SCD5: variants seen among roughly 807,000 people sequenced by gnomAD.
The protein encoded by SCD5 is acyl-CoA-desaturase 4.
In SCD5, 20 loss-of-function variants were observed where a neutral mutation model predicts 30.4. That is an observed-to-expected ratio of 0.66 (90% CI 0.46 to 0.96). The LOEUF is 0.96. Among genes scored for constraint, SCD5 ranks in the 40% least tolerant of loss-of-function variants. The pLI, the probability that SCD5 is intolerant of heterozygous loss-of-function variation, is 0.00. For missense variants in SCD5, 381 were observed against 443.3 expected (o/e 0.86, Z 1.26); for synonymous variants, 173 against 176.4 (o/e 0.98, Z 0.16).
At chr4:82,632,090 G>T (rs1011340171) in intron 4 of SCD5, among the ~76,000 whole-genome samples, 2 of 151,754 alleles carry the variant, frequency 1.3e-5, no homozygotes, top group African/African-American at 4.8e-5. Context: ...CAATGTGCAG[G>T]TTTGTTACAT....
intron 3 of SCD5, among the ~76,000 whole-genome samples, chr4:82,668,437 GA>G: frequency 6.6e-6 from 1 of 152,336 alleles, no homozygotes; most frequent in Non-Finnish European, 1.5e-5. Context: ...GCTCTAGAAA[GA>G]TAGGGCAAGT....
At position 82,636,766 on chromosome 4, in the gene SCD5, C is replaced by G; in HGVS notation, c.627G>C (p.Trp209Cys). Residue 209 changes from tryptophan to cysteine, a missense_variant, in exon 4 of 5, where the codon TGG becomes TGC. Transcript: ENST00000319540. ...MCFVVPTLVP[W>C]YIWGESLWNS... is the part of the protein sequence containing the mutation. ...TCCACAGACTCTCTCCCCAGATGTA[C>G]CAGGGCACCAGCGTGGGGACCACAA... 1 of 1,614,218 alleles carries G rather than the reference C, an allele frequency of 6.2e-7. No homozygotes were observed. The highest frequency in any genetic ancestry group is 8.5e-7 in the Non-Finnish European group (1 of 1,180,042).
chr4:82,779,452 G>T (rs1721823764), intron 1 of SCD5, among the ~76,000 whole-genome samples: 1 of 152,206 alleles, frequency 6.6e-6, no homozygotes, highest in Non-Finnish European at 1.5e-5. Context: ...CCTAGGTCAG[G>T]TTTCTAATCT....
At chr4:82,689,826 A>T (rs1728793076) in intron 2 of SCD5, among the ~76,000 whole-genome samples, 1 of 152,230 alleles carries the variant, frequency 6.6e-6, no homozygotes, top group Admixed American at 6.5e-5. Flanking sequence ...TAATAATGTG[A>T]CAAAGTGATG....
At chr4:82,654,064 T>C (rs111805711) in intron 3 of SCD5, among the ~76,000 whole-genome samples, 31,474 of 151,838 alleles carry the variant, frequency 0.21, 3,389 homozygotes, top group East Asian at 0.37. Flanking sequence ...ATTACAGGTG[T>C]CTGCCACCAC....
chr4:82,667,288 G>A (rs948565531), intron 3 of SCD5, among the ~76,000 whole-genome samples: 7 of 132,338 alleles, frequency 5.3e-5, no homozygotes, highest in Admixed American at 2.3e-4. Flanking sequence ...ACACACACAC[G>A]CACGCACGCA....
chr4:82,729,761 A>C (rs1720587013), intron 1 of SCD5, among the ~76,000 whole-genome samples: 1 of 152,186 alleles, frequency 6.6e-6, no homozygotes, highest in South Asian at 2.1e-4. Context: ...AGCAGAACAT[A>C]AATCTGTAAA....
At position 82,656,269 on chromosome 4, in the gene SCD5, A is replaced by G. The variant is rs539705002; in HGVS notation, c.570-19446T>C. Reference sequence around the variant, plus strand: ...CTTAGCATCCCCCCACAACCCCCCAACAGGCCAGGGTGTGTGATGTTCCCT... The same window carrying G: ...CTTAGCATCCCCCCACAACCCCCCAGCAGGCCAGGGTGTGTGATGTTCCCT... On this transcript the variant is annotated intron_variant, in intron 3 of 4. Transcript: ENST00000319540. Among the ~76,000 whole-genome samples, 11 of 151,972 alleles carry G rather than the reference A, an allele frequency of 7.2e-5. No homozygotes were observed. The South Asian group carries it at 2.3e-3, about 32-fold the overall frequency.
chr4:82,687,066 G>A (rs1475647770), intron 2 of SCD5, among the ~76,000 whole-genome samples: 1 of 151,906 alleles, frequency 6.6e-6, no homozygotes, highest in Non-Finnish European at 1.5e-5. Flanking sequence ...AGCTACTCGG[G>A]TGGCTGAGGC....
In SCD5 at chr4:82,631,237, C is replaced by G. The variant is rs531368075; in HGVS notation, c.*90G>C. The G allele has an allele frequency of 8.7e-6, 10 of 1,147,362 alleles. No individual in the cohort carries two copies. In the East Asian group the frequency reaches 2.6e-4, roughly 30 times the overall value. The allele number at this position is 1,147,362 out of a possible 1,614,324, so 71.1% of individuals were successfully genotyped here. A position where few individuals can be genotyped will look rare whatever the true frequency, so the allele number is the denominator to read the frequency against. ...TCGTTCCTTCCCCACCCTCTGCCCC[C>G]TCCCACGATCCAATGTACAAGAGAG... is the stretch of plus-strand genomic sequence containing the variant. On this transcript the variant is annotated 3_prime_UTR_variant, in exon 5 of 5. Transcript: ENST00000319540.
At chr4:82,637,372 G>C (rs1727455213) in intron 3 of SCD5, among the ~76,000 whole-genome samples, 1 of 152,168 alleles carries the variant, frequency 6.6e-6, no homozygotes, top group Non-Finnish European at 1.5e-5. Flanking sequence ...AAAATAATAA[G>C]TATAGAAACA....
At chr4:82,772,502 A>G (rs1377848047) in intron 1 of SCD5, among the ~76,000 whole-genome samples, 1 of 152,228 alleles carries the variant, frequency 6.6e-6, no homozygotes, top group African/African-American at 2.4e-5. Flanking sequence ...TTGAAGCAAC[A>G]ACAATTCACC....
At position 82,631,222 on chromosome 4, in the gene SCD5, C is replaced by A; in HGVS notation, c.*105G>T. The A allele has an allele frequency of 1.1e-6, 1 of 883,648 alleles. No homozygotes were observed. Among genetic ancestry groups the A allele is most frequent in the Non-Finnish European group, 1.7e-6 (1 of 605,828 alleles). The allele number at this position is 883,648 out of a possible 1,614,324, so 54.7% of individuals were successfully genotyped here. On this transcript the variant is annotated 3_prime_UTR_variant, in exon 5 of 5. Transcript: ENST00000319540. ...CCAAACCACATTGACTCGTTCCTTC[C>A]CCACCCTCTGCCCCCTCCCACGATC... is the stretch of plus-strand genomic sequence containing the variant.
intron 1 of SCD5, among the ~76,000 whole-genome samples, chr4:82,755,311 C>T (rs1721210981): frequency 6.6e-6 from 1 of 152,004 alleles, no homozygotes; most frequent in Non-Finnish European, 1.5e-5. Flanking sequence ...ACCAGCCTGG[C>T]CAACATGGCA....
In SCD5 at chr4:82,658,903, G is replaced by A. The variant is rs187970789; in HGVS notation, c.569+21804C>T. On this transcript the variant is annotated intron_variant, in intron 3 of 4. Transcript: ENST00000319540. ...TCTATTGTTTGGAATAGTTTCAGAA[G>A]GAATGGTACCAGCTCCTCTTTTTAC... Among the ~76,000 whole-genome samples, 10 of 152,208 alleles carry A rather than the reference G, an allele frequency of 6.6e-5. No individual in the cohort carries two copies. The East Asian group carries it at 1.9e-3, about 29-fold the overall frequency.
chr4:82,721,987 C>T (rs1344725659), intron 1 of SCD5, among the ~76,000 whole-genome samples: 1 of 152,238 alleles, frequency 6.6e-6, no homozygotes, highest in African/African-American at 2.4e-5. Context: ...AACGCACCTC[C>T]ACCCTTCCTG....
chr4:82,796,449 T>C (rs528950029), intron 1 of SCD5, among the ~76,000 whole-genome samples: 2 of 151,986 alleles, frequency 1.3e-5, no homozygotes, highest in South Asian at 4.2e-4. Flanking sequence ...TAAGCCAAGA[T>C]CTTTCAGAAC....
At chr4:82,718,700 G>GA (rs1720288231) in intron 1 of SCD5, among the ~76,000 whole-genome samples, 1 of 151,748 alleles carries the variant, frequency 6.6e-6, no homozygotes, top group Admixed American at 6.6e-5. Context: ...TCTAGTTAGG[G>GA]ACTGCATCAT....
intron 1 of SCD5, among the ~76,000 whole-genome samples, chr4:82,723,077 C>CA (rs59796077): frequency 0.47 from 41,850 of 89,632 alleles, 8,346 homozygotes; most frequent in Admixed American, 0.49. Context: ...AACTCTGTCT[C>CA]AAAAAAAAAA....
Sources: allele counts gnomAD v4.1 joint callset (sites outside exome capture counted in the v4.1 genomes callset), GRCh38; gene constraint gnomAD v4.1.1; transcripts MANE v1.5; gene names NCBI Gene and HGNC (gene_info 2026-07-23, HGNC 2026-07-21).